Variants in LRRIQ3 observed in about 807,000 individuals in gnomAD.
LRRIQ3 encodes leucine-rich repeat and IQ domain-containing protein 3.
In LRRIQ3, 75 loss-of-function variants were observed where a neutral mutation model predicts 59.3. That is an observed-to-expected ratio of 1.26 (90% CI 1.05 to 1.53). The LOEUF (loss-of-function observed/expected upper bound fraction) is 1.53, where lower values mean the gene tolerates loss of function less well. Among genes scored for constraint, LRRIQ3 ranks in the 40% most tolerant of loss-of-function variants. LRRIQ3 has a pLI of 0.00. For synonymous variants in LRRIQ3, 250 were observed against 231.3 expected, an observed-to-expected ratio of 1.08 and a Z score of -0.73; for missense variants, 831 against 710.0, an observed-to-expected ratio of 1.17 and a Z score of -1.94.
At chr1:74,123,788 C>T (rs925714496) in intron 4 of LRRIQ3, among the ~76,000 whole-genome samples, 1 of 151,948 alleles carries the variant, frequency 6.6e-6, no homozygotes, top group Non-Finnish European at 1.5e-5. Flanking sequence ...GATATATCTT[C>T]AACAGACTGA....
intron 3 of LRRIQ3, among the ~76,000 whole-genome samples, chr1:74,173,294 C>CAAAA (rs71078187): frequency 8.5e-6 from 1 of 117,512 alleles, no homozygotes; most frequent in East Asian, 2.4e-4. Flanking sequence ...GAGTCCATCT[C>CAAAA]AAAAAAAAAA....
intron 4 of LRRIQ3, among the ~76,000 whole-genome samples, chr1:74,112,676 C>T (rs144661834): frequency 2.6e-5 from 4 of 152,074 alleles, no homozygotes; most frequent in Non-Finnish European, 4.4e-5. Flanking sequence ...AAGCTTATAC[C>T]ACTGTCCTAC....
chr1:74,067,628 C>G (rs12068778), intron 6 of LRRIQ3, among the ~76,000 whole-genome samples: 5,912 of 151,974 alleles, frequency 0.039, 149 homozygotes, highest in South Asian at 0.13. Flanking sequence ...AGTAAAAATT[C>G]TTTTGGAGTC....
At chr1:74,176,338 T>C (rs1284882906) in intron 3 of LRRIQ3, among the ~76,000 whole-genome samples, 1 of 152,180 alleles carries the variant, frequency 6.6e-6, no homozygotes, top group Non-Finnish European at 1.5e-5. Flanking sequence ...TCACTCTCAT[T>C]GTTTTTCACC....
chr1:74,057,314 G>A (rs1401910585), intron 6 of LRRIQ3, among the ~76,000 whole-genome samples: 1 of 151,942 alleles, frequency 6.6e-6, no homozygotes, highest in Non-Finnish European at 1.5e-5. Context: ...TTTAATGTCA[G>A]GTAGTGGAAG....
chr1:74,154,696 C>T lies in LRRIQ3; in HGVS notation c.707+1037G>A, dbSNP rs527533510. On this transcript the variant is annotated intron_variant, in intron 4 of 7. Coordinates refer to ENST00000354431, the MANE Select transcript of LRRIQ3 (RefSeq NM_001105659.2). ...TTTAATATAAAAAGCACATTAAATT[C>T]CAATGCAAAATAAAGACAGAATTAA... Among the ~76,000 whole-genome samples, 9 of 152,270 alleles carry T rather than the reference C, an allele frequency of 5.9e-5. No individual in the cohort carries two copies. The South Asian group carries it at 6.2e-4, about 11-fold the overall frequency.
intron 4 of LRRIQ3, among the ~76,000 whole-genome samples, chr1:74,129,980 G>A (rs1334098961): frequency 6.6e-6 from 1 of 151,148 alleles, no homozygotes. Flanking sequence ...CCAAAAAAAA[G>A]TCCTCCTTAC....
At chr1:74,107,508 A>C (rs1646631157) in intron 5 of LRRIQ3, among the ~76,000 whole-genome samples, 1 of 151,338 alleles carries the variant, frequency 6.6e-6, no homozygotes, top group Non-Finnish European at 1.5e-5. Flanking sequence ...TTTACCACTC[A>C]AAATAATACA....
rs527806494 is a variant in LRRIQ3 at position 74,166,499 on chromosome 1, GTTTTCCTAATTTTC to G, written c.574-10647_574-10634del. On this transcript the variant is annotated intron_variant, in intron 3 of 7. Transcript: ENST00000354431. Reference sequence around the variant, plus strand: ...CACTTTTTCAAAGAACCAGATGCTTGTTTTCCTAATTTTCTCAACTTCTTTGGTTTTTCAGTTTC... The same window carrying G: ...CACTTTTTCAAAGAACCAGATGCTTGTCAACTTCTTTGGTTTTTCAGTTTC... 2.9e-3 allele frequency among the ~76,000 whole-genome samples: 445 copies of G among 151,702 alleles called. 1 individual carries two copies. The highest frequency in any genetic ancestry group is 0.01 in the African/African-American group (419 of 41,418).
chr1:74,165,773 GT>G (rs1377378401), intron 3 of LRRIQ3, among the ~76,000 whole-genome samples: 1 of 151,504 alleles, frequency 6.6e-6, no homozygotes, highest in African/African-American at 2.4e-5. Context: ...TTTTCTGAAA[GT>G]TTTTGTCACA....
chr1:74,091,773 T>C (rs1362478022), intron 5 of LRRIQ3, among the ~76,000 whole-genome samples: 3 of 152,106 alleles, frequency 2.0e-5, no homozygotes, highest in Non-Finnish European at 2.9e-5. Context: ...TTTTATTTTA[T>C]AATATTTTAT....
chr1:74,191,321 A>G (rs964099518), intron 1 of LRRIQ3, among the ~76,000 whole-genome samples: 1 of 152,156 alleles, frequency 6.6e-6, no homozygotes, highest in African/African-American at 2.4e-5. Flanking sequence ...AAGAGAAATG[A>G]TATAGGTCAG....
intron 4 of LRRIQ3, among the ~76,000 whole-genome samples, chr1:74,147,001 G>A (rs1430152903): frequency 6.6e-6 from 1 of 152,194 alleles, no homozygotes; most frequent in African/African-American, 2.4e-5. Context: ...GACAAGGCAG[G>A]CAGATTGCTT....
chr1:74,108,884 C>G (rs1188222230), intron 5 of LRRIQ3: 1 of 394,532 alleles, frequency 2.5e-6, no homozygotes, highest in Non-Finnish European at 5.0e-6. Flanking sequence ...TAAAAAATAT[C>G]TATCTATGGT....
At chr1:74,188,897 T>C (rs1420171357) in intron 1 of LRRIQ3, among the ~76,000 whole-genome samples, 1 of 152,146 alleles carries the variant, frequency 6.6e-6, no homozygotes, top group Non-Finnish European at 1.5e-5. Flanking sequence ...CCACAGCCAA[T>C]AATCACTTGC....
intron 5 of LRRIQ3, among the ~76,000 whole-genome samples, chr1:74,086,863 C>T (rs1646332538): frequency 6.6e-6 from 1 of 152,088 alleles, no homozygotes; most frequent in African/African-American, 2.4e-5. Flanking sequence ...CTCCTGTAAT[C>T]TATAATCCTA....
intron 7 of LRRIQ3, among the ~76,000 whole-genome samples, chr1:74,028,692 T>C (rs1653594795): frequency 6.6e-6 from 1 of 151,768 alleles, no homozygotes; most frequent in African/African-American, 2.4e-5. Context: ...AGATAGGTTA[T>C]TTAAGTTGTC....
At chr1:74,156,219 C>G (rs1648318016) in intron 3 of LRRIQ3, among the ~76,000 whole-genome samples, 1 of 152,110 alleles carries the variant, frequency 6.6e-6, no homozygotes, top group South Asian at 2.1e-4. Context: ...CTCCCTCTCT[C>G]ACCATGTGAC....
chr1:74,181,636 A>G (rs1415233186), intron 3 of LRRIQ3: 1 of 151,790 alleles, frequency 6.6e-6, no homozygotes, highest in Non-Finnish European at 1.5e-5. Context: ...CTTAAATACT[A>G]CCTTGTTTTT....
Sources: gnomAD v4.1 joint callset for allele counts (sites outside exome capture counted in the v4.1 genomes callset) on GRCh38, gnomAD v4.1.1 for gene constraint, MANE v1.5 for transcripts, NCBI Gene and HGNC (gene_info 2026-07-23, HGNC 2026-07-21) for gene names.